TPCN1: variants seen among roughly 807,000 people sequenced by gnomAD.
The protein encoded by TPCN1 is two pore channel protein 1.
In TPCN1, 52 loss-of-function variants were observed where a neutral mutation model predicts 108.8. That is an observed-to-expected ratio of 0.48 (90% CI 0.38 to 0.60). TPCN1 has a LOEUF of 0.60. Among genes scored for constraint, TPCN1 ranks in the 20% least tolerant of loss-of-function variants. TPCN1 has a pLI of 0.00. For missense variants in TPCN1, 806 were observed against 1,072.8 expected, an observed-to-expected ratio of 0.75 and a Z score of 3.47; for synonymous variants, 446 against 433.7, an observed-to-expected ratio of 1.03 and a Z score of -0.35.
Position 113,240,230 on chromosome 12 carries a change from C to G in TPCN1, c.112+13266C>G, listed in dbSNP as rs189412801. ...TGCATGTTGTTTTTTGCTATTTCCT[C>G]TTGGAGACCAGACGCCGTCCAGAGT... On this transcript the variant is annotated intron_variant, in intron 2 of 27. Coordinates refer to ENST00000335509, the MANE Select transcript of TPCN1 (RefSeq NM_017901.6). Among the ~76,000 whole-genome samples, 8 of 152,312 alleles carry G rather than the reference C, an allele frequency of 5.3e-5. No individual in the cohort carries two copies. In the East Asian group the frequency reaches 1.5e-3, roughly 29 times the overall value.
chr12:113,292,379 G>A (rs1005232708), intron 25 of TPCN1: 6 of 203,446 alleles, frequency 2.9e-5, no homozygotes, highest in Admixed American at 2.1e-4. Context: ...TGGCACAGGC[G>A]AATCGTATTC....
intron 2 of TPCN1, among the ~76,000 whole-genome samples, chr12:113,237,421 G>C (rs1430179548): frequency 2.6e-5 from 4 of 151,882 alleles, no homozygotes; most frequent in African/African-American, 4.8e-5. Flanking sequence ...CAGTGGCACA[G>C]TCTCGGCTCA....
rs1201858199 is a variant in TPCN1, at chr12:113,272,622, T to TA, written c.749-34dup. The TA allele has an allele frequency of 6.2e-7, 1 of 1,606,832 alleles. No homozygotes were observed. The highest frequency in any genetic ancestry group is 1.7e-5 in the Admixed American group (1 of 60,018). On this transcript the variant is annotated intron_variant, in intron 7 of 27. Coordinates refer to ENST00000335509, the MANE Select transcript of TPCN1 (RefSeq NM_017901.6). This position sits in a 1 kb window ranked among gnomAD's most constrained non-coding sequence, Gnocchi z 4.1. The stretch of plus-strand genomic sequence containing the variant: ...ACACCAGGTTTTGGGACCTCTGCTC[T>TA]AATCCTTTTGTTTATCTGTTTCCAC...
chr12:113,293,241 G>A (rs201231325), intron 26 of TPCN1, 28 bp from the exon 27 acceptor site: 193 of 1,612,652 alleles, frequency 1.2e-4, no homozygotes, highest in Non-Finnish European at 1.5e-4. Context: ...ATCTGCAGCC[G>A]AGCCCTGCAG....
Position 113,264,184 on chromosome 12 carries a change from A to C in TPCN1, c.238-1996A>C, listed in dbSNP as rs899127453. Reference sequence around the variant, plus strand: ...TGAAAACCACAGCCCTGCACAGAGCACAGAACTGTGTTCAACTTACCTTCT... The same window carrying C: ...TGAAAACCACAGCCCTGCACAGAGCCCAGAACTGTGTTCAACTTACCTTCT... On this transcript the variant is annotated intron_variant, in intron 3 of 27. Coordinates refer to ENST00000335509, the MANE Select transcript of TPCN1 (RefSeq NM_017901.6). Among the ~76,000 whole-genome samples the C allele has an allele frequency of 2.6e-5, 4 of 152,216 alleles. No homozygotes were observed. In the South Asian group the frequency reaches 6.2e-4, roughly 24 times the overall value.
intron 2 of TPCN1, among the ~76,000 whole-genome samples, chr12:113,234,416 C>G (rs892026738): frequency 4.6e-5 from 7 of 152,276 alleles, no homozygotes; most frequent in African/African-American, 1.7e-4. Flanking sequence ...ACTCTCAAGG[C>G]CAGGTGGGCT....
chr12:113,254,062 G>A (rs966092876), intron 2 of TPCN1, among the ~76,000 whole-genome samples: 8 of 152,344 alleles, frequency 5.3e-5, no homozygotes, highest in South Asian at 2.1e-4. Context: ...ATAGCTGTGT[G>A]ATCTTGGACA....
chr12:113,227,547 T>G (rs1953518622), intron 2 of TPCN1, among the ~76,000 whole-genome samples: 1 of 152,158 alleles, frequency 6.6e-6, no homozygotes, highest in Non-Finnish European at 1.5e-5. Context: ...GAGCTTTAAA[T>G]TTTTTAAATT....
intron 1 of TPCN1, among the ~76,000 whole-genome samples, chr12:113,221,930 C>T (rs1015221401): frequency 6.6e-6 from 1 of 152,226 alleles, no homozygotes; most frequent in Admixed American, 6.5e-5. Context: ...CTCCCTCGCT[C>T]TTCTCCCTGG....
At chr12:113,260,866 GT>G (rs200348013) in intron 3 of TPCN1, among the ~76,000 whole-genome samples, 2,748 of 151,682 alleles carry the variant, frequency 0.018, 39 homozygotes, top group Middle Eastern at 0.048. Context: ...CTGCTTTCCT[GT>G]TTGCTATTTT....
intron 13 of TPCN1, among the ~76,000 whole-genome samples, 161 bp from the exon 14 acceptor site, chr12:113,278,611 C>T (rs888118155): frequency 5.3e-5 from 8 of 152,186 alleles, no homozygotes; most frequent in Non-Finnish European, 8.8e-5. Context: ...TGTAAACGCT[C>T]GGTACACACT....
intron 13 of TPCN1, 33 bp from the exon 14 acceptor site, chr12:113,278,739 G>T: frequency 6.2e-7 from 1 of 1,606,662 alleles, no homozygotes; most frequent in Non-Finnish European, 8.5e-7. Context: ...CCCTGGCCCT[G>T]ACACCCTCCC....
chr12:113,230,564 G>A (rs2136441503), intron 2 of TPCN1, among the ~76,000 whole-genome samples: 1 of 152,254 alleles, frequency 6.6e-6, no homozygotes, highest in Non-Finnish European at 1.5e-5. Flanking sequence ...AAAGACACCA[G>A]TCCTATTGGA....
chr12:113,266,242 C>A lies in TPCN1; in HGVS notation c.300C>A (p.Tyr100Ter), dbSNP rs1297181511. The A allele has an allele frequency of 6.2e-7, 1 of 1,614,032 alleles. No homozygotes were observed. Among genetic ancestry groups the A allele is most frequent in the Non-Finnish European group, 8.5e-7 (1 of 1,180,046 alleles). Residue 100 changes from tyrosine to a stop codon, truncating the protein, a stop_gained, in exon 4 of 28, where the codon TAC (tyrosine) becomes TAA (stop). Coordinates refer to ENST00000335509, the MANE Select transcript of TPCN1 (RefSeq NM_017901.6). LOFTEE classifies it high-confidence loss of function. This position sits in a 1 kb window ranked among gnomAD's most constrained non-coding sequence, Gnocchi z 4.2. ...AGGATGCCAAGGCGCTGGCGGCCTA[C>A]CTCTTTGCACACAATCACCTCTTCT... The part of the protein sequence containing the change: ...HPKDAKALAA[Y>*]LFAHNHLFYL...
In TPCN1 at chr12:113,232,630, G is replaced by A. The variant is rs1953729967; in HGVS notation, c.112+5666G>A. ...ATGGTGAGTGGAGTGGTTGAGCTGA[G>A]TATAGTGCTTAGCTGCTCTAAGCCT... On this transcript the variant is annotated intron_variant, in intron 2 of 27. Coordinates refer to ENST00000335509, the MANE Select transcript of TPCN1 (RefSeq NM_017901.6). This position sits in a 1 kb window ranked among gnomAD's most constrained non-coding sequence, Gnocchi z 5.6. Among the ~76,000 whole-genome samples, 1 of 152,226 alleles carries A rather than the reference G, an allele frequency of 6.6e-6. No homozygotes were observed. Among genetic ancestry groups the A allele is most frequent in the Non-Finnish European group, 1.5e-5 (1 of 68,042 alleles).
intron 23 of TPCN1, among the ~76,000 whole-genome samples, chr12:113,291,233 C>A (rs1956256422): frequency 6.6e-6 from 1 of 152,194 alleles, no homozygotes; most frequent in South Asian, 2.1e-4. Context: ...TCCCCAGCAG[C>A]CAGGAGATGC....
Position 113,294,621 on chromosome 12 carries a change from T to C in TPCN1, c.2334+1272T>C, listed in dbSNP as rs182630280. On this transcript the variant is annotated intron_variant, in intron 27 of 27. Transcript: ENST00000335509. ...CAGCTTGGGTGACAGAGCTAGACTC[T>C]GTCTCAAAAAAAAAAAAAAAAGGCA... 1.0e-3 allele frequency among the ~76,000 whole-genome samples: 148 copies of C among 142,088 alleles called. 1 individual carries two copies. The East Asian group carries it at 0.023, about 22-fold the overall frequency. The allele number at this position is 142,088 out of a possible 152,430, so 93.2% of individuals were successfully genotyped here. A position where few individuals can be genotyped will look rare whatever the true frequency, so the allele number is the denominator to read the frequency against.
chr12:113,222,925 T>C (rs1325954038), intron 1 of TPCN1, among the ~76,000 whole-genome samples: 2 of 152,214 alleles, frequency 1.3e-5, no homozygotes, highest in East Asian at 3.8e-4. Flanking sequence ...TGGGAGATAA[T>C]TGTCAAAGCT....
At chr12:113,236,442 C>T (rs1202828310) in intron 2 of TPCN1, among the ~76,000 whole-genome samples, 7 of 152,138 alleles carry the variant, frequency 4.6e-5, no homozygotes, top group African/African-American at 1.4e-4. Flanking sequence ...AGCAGAAGAT[C>T]AACTATGGAC....
Sources: allele counts gnomAD v4.1 joint callset (sites outside exome capture counted in the v4.1 genomes callset), GRCh38; gene constraint gnomAD v4.1.1; non-coding constraint Gnocchi (gnomAD v3.1); transcripts MANE v1.5; gene names NCBI Gene and HGNC (gene_info 2026-07-23, HGNC 2026-07-21).